Variants in ANKFN1 observed in about 807,000 individuals in gnomAD.
ANKFN1 encodes ankyrin repeat and fibronectin type III domain containing 1.
In ANKFN1, 74 loss-of-function variants were observed where a neutral mutation model predicts 108.7. The ratio of observed to expected loss-of-function variants is 0.68; its 90% CI spans 0.56 to 0.83. The LOEUF (loss-of-function observed/expected upper bound fraction) is 0.83. Ranked by LOEUF, ANKFN1 falls within the 40% of genes least tolerant of loss-of-function variation. The pLI is 0.00. For synonymous variants in ANKFN1, 547 were observed against 516.2 expected (o/e 1.06, Z -0.81); for missense variants, 1,505 against 1,382.3 (o/e 1.09, Z -1.41).
intron 10 of ANKFN1, among the ~76,000 whole-genome samples, chr17:56,443,568 A>T (rs2049186795): frequency 6.6e-6 from 1 of 151,854 alleles, no homozygotes; most frequent in Admixed American, 6.5e-5. Flanking sequence ...CCTGATAAGA[A>T]AATGAAAGCT....
chr17:56,144,997 A>G (rs553207193), intron 4 of ANKFN1, among the ~76,000 whole-genome samples: 8 of 152,010 alleles, frequency 5.3e-5, no homozygotes, highest in African/African-American at 1.7e-4. Flanking sequence ...CCTAGGGAAC[A>G]TTTATTACAG....
At chr17:56,307,278 GAGTGAAC>G (rs2044858485) in intron 3 of ANKFN1, among the ~76,000 whole-genome samples, 3 of 152,178 alleles carry the variant, frequency 2.0e-5, no homozygotes, top group Non-Finnish European at 2.9e-5. Flanking sequence ...ACTACCATCA[GAGTGAAC>G]AGGCAACCTA....
chr17:56,265,968 A>G (rs1428040056), intron 3 of ANKFN1, among the ~76,000 whole-genome samples: 1 of 152,212 alleles, frequency 6.6e-6, no homozygotes, highest in Admixed American at 6.5e-5. Context: ...AGGGCATATT[A>G]TCTGATAGGG....
intron 4 of ANKFN1, among the ~76,000 whole-genome samples, chr17:56,345,468 ACTGT>A (rs575464416): frequency 3.0e-4 from 45 of 152,284 alleles, no homozygotes; most frequent in Non-Finnish European, 4.1e-4. Flanking sequence ...GAATCACCAC[ACTGT>A]CTTTCACAAC....
At chr17:56,156,530 A>T (rs1210770142) in intron 1 of ANKFN1, 1 of 152,248 alleles carries the variant, frequency 6.6e-6, no homozygotes, top group East Asian at 1.9e-4. Flanking sequence ...TGACCTTTGC[A>T]CTATGGGCCA....
At chr17:56,062,559 CTT>C (rs3085080) in intron 4 of ANKFN1, among the ~76,000 whole-genome samples, 9 of 134,528 alleles carry the variant, frequency 6.7e-5, no homozygotes, top group African/African-American at 2.7e-4. Context: ...GTAATCTCTG[CTT>C]TTTTTTTTTT....
chr17:56,051,126 T>A (rs1312806810), intron 4 of ANKFN1, among the ~76,000 whole-genome samples: 1 of 69,626 alleles, frequency 1.4e-5, no homozygotes, highest in Non-Finnish European at 2.9e-5. Context: ...AAAAGAGAAT[T>A]TTAGACCAAT....
intron 8 of ANKFN1, among the ~76,000 whole-genome samples, chr17:56,439,714 A>G (rs537200193): frequency 6.6e-6 from 1 of 152,306 alleles, no homozygotes; most frequent in South Asian, 2.1e-4. Context: ...TGATGTGGAG[A>G]TAATGAAAGG....
intron 8 of ANKFN1, among the ~76,000 whole-genome samples, chr17:56,424,687 G>A (rs1047043837): frequency 2.0e-5 from 3 of 152,142 alleles, no homozygotes; most frequent in Admixed American, 6.5e-5. Flanking sequence ...TTTGCCTGAC[G>A]GAGTATTTGC....
rs1311232344 is a variant in ANKFN1, at chr17:56,210,041, TATAGATAGATAGATAGATAC to T, written c.-70-2537_-70-2518del. Among the ~76,000 whole-genome samples, 54 of 143,340 alleles carry T rather than the reference TATAGATAGATAGATAGATAC, an allele frequency of 3.8e-4. No homozygotes were observed. In the East Asian group the frequency reaches 5.0e-3, roughly 13 times the overall value. 94.0% of individuals were successfully genotyped at this position (143,340 alleles called of 152,430 possible). A position where few individuals can be genotyped will look rare whatever the true frequency, so the allele number is the denominator to read the frequency against. On this transcript the variant is annotated intron_variant, in intron 1 of 20. Transcript: ENST00000682825. ...GAGTAGTATTCCATGATATGTATAT[TATAGATAGATAGATAGATAC>T]ATAGATAGATAGATAGATAGATAGA... is the stretch of plus-strand genomic sequence containing the variant.
intron 4 of ANKFN1, among the ~76,000 whole-genome samples, chr17:56,083,855 T>C (rs1159789996): frequency 1.3e-5 from 2 of 151,432 alleles, no homozygotes; most frequent in Non-Finnish European, 3.0e-5. Context: ...TTGCCTATTC[T>C]TGAGTAGTCA....
intron 11 of ANKFN1, among the ~76,000 whole-genome samples, chr17:56,450,724 G>A (rs2049454101): frequency 6.6e-6 from 1 of 152,160 alleles, no homozygotes; most frequent in Non-Finnish European, 1.5e-5. Flanking sequence ...AAAGCAAGTG[G>A]ACAGATGATT....
intron 8 of ANKFN1, among the ~76,000 whole-genome samples, chr17:56,439,935 A>G (rs933546873): frequency 1.1e-4 from 16 of 152,074 alleles, no homozygotes; most frequent in Non-Finnish European, 1.5e-5. Flanking sequence ...ATATTCATAT[A>G]CACATACACA....
chr17:56,312,383 C>G (rs2144448463), intron 3 of ANKFN1, among the ~76,000 whole-genome samples: 2 of 152,254 alleles, frequency 1.3e-5, no homozygotes, highest in African/African-American at 4.8e-5. Context: ...AAAGCCAATC[C>G]CAGGAGACCT....
intron 1 of ANKFN1, among the ~76,000 whole-genome samples, chr17:56,212,013 G>T (rs1915053792): frequency 6.6e-6 from 1 of 151,198 alleles, no homozygotes; most frequent in Non-Finnish European, 1.5e-5. Flanking sequence ...GAGTCTTTAG[G>T]GTTTTCTAGG....
At chr17:56,186,789 TA>T (rs1912252019) in intron 1 of ANKFN1, among the ~76,000 whole-genome samples, 1 of 152,116 alleles carries the variant, frequency 6.6e-6, no homozygotes, top group African/African-American at 2.4e-5. Context: ...AAGGTGTTGT[TA>T]AAAATCGCAC....
At position 56,245,000 on chromosome 17, in the gene ANKFN1, T is replaced by C. The variant is rs193050532; in HGVS notation, c.53+17043T>C. 3.1e-3 allele frequency among the ~76,000 whole-genome samples: 477 copies of C among 152,242 alleles called. 2 individuals are homozygous for C. Among genetic ancestry groups the C allele is most frequent in the African/African-American group, 0.011 (452 of 41,556 alleles). On this transcript the variant is annotated intron_variant, in intron 3 of 20. Transcript: ENST00000682825. ...TCAATAATATTGAATATATGAACCA[T>C]ACATTGCTTACTTGTCTGTAGCCCC...
intron 4 of ANKFN1, among the ~76,000 whole-genome samples, chr17:56,067,274 G>T (rs770389852): frequency 6.6e-6 from 1 of 152,046 alleles, no homozygotes; most frequent in Non-Finnish European, 1.5e-5. Context: ...TTATCCATCC[G>T]TGGACACTTG....
At chr17:56,487,925 A>G (rs1444547444) in intron 18 of ANKFN1, among the ~76,000 whole-genome samples, 2 of 152,200 alleles carry the variant, frequency 1.3e-5, no homozygotes, top group Non-Finnish European at 1.5e-5. Context: ...GATTAAGTAC[A>G]CTCTTAATAG....
Sources: allele counts gnomAD v4.1 joint callset (sites outside exome capture counted in the v4.1 genomes callset), GRCh38; gene constraint gnomAD v4.1.1; transcripts MANE v1.5; gene names NCBI Gene and HGNC (gene_info 2026-07-23, HGNC 2026-07-21).